The following SLFN12 variants were observed in gnomAD, a reference collection of about 807,000 sequenced individuals.
SLFN12 encodes schlafen family member 12, also known as ribonuclease SLFN12.
SLFN12 carries 25 observed loss-of-function variants against 29.1 expected under a neutral mutation model. The ratio of observed to expected loss-of-function variants is 0.86; its 90% CI spans 0.63 to 1.20. SLFN12 has a LOEUF of 1.20. Among genes scored for constraint, SLFN12 ranks in the 50% most tolerant of loss-of-function variants. The pLI is 0.00. For missense variants in SLFN12, 660 were observed against 666.2 expected (o/e 0.99, Z 0.10); for synonymous variants, 257 against 238.7 (o/e 1.08, Z -0.71).
At chr17:35,415,907 G>A (rs1445597311) in intron 3 of SLFN12, among the ~76,000 whole-genome samples, 7 of 152,178 alleles carry the variant, frequency 4.6e-5, no homozygotes, top group African/African-American at 1.4e-4. Context: ...TACTGCTGGT[G>A]TGAATGTAAA....
At chr17:35,419,278 A>C (rs1031648998) in intron 3 of SLFN12, among the ~76,000 whole-genome samples, 1 of 152,128 alleles carries the variant, frequency 6.6e-6, no homozygotes, top group Non-Finnish European at 1.5e-5. Flanking sequence ...CCTACATTAA[A>C]ATTTAAAACT....
intron 1 of SLFN12, among the ~76,000 whole-genome samples, chr17:35,424,779 T>G (rs999321875): frequency 6.6e-6 from 1 of 152,138 alleles, no homozygotes; most frequent in Non-Finnish European, 1.5e-5. Context: ...TAGTTCTTTG[T>G]CCATGTTTTC....
intron 2 of SLFN12, among the ~76,000 whole-genome samples, chr17:35,421,662 C>A (rs1308440394): frequency 6.6e-6 from 1 of 151,568 alleles, no homozygotes; most frequent in African/African-American, 2.4e-5. Flanking sequence ...GCCTCAGCCT[C>A]CTGAGTAGCT....
chr17:35,422,493 G>A lies in SLFN12; in HGVS notation c.536C>T (p.Ala179Val), dbSNP rs1183123342. Residue 179 changes from alanine to valine, a missense_variant, in exon 2 of 4, where the codon GCC becomes GTC. By Grantham distance (64) the Ala-to-Val change is moderately conservative. Transcript: ENST00000304905. ...VDIQEENNMK[A>V]LAGVFFDRTE... The stretch of plus-strand genomic sequence containing the variant: ...TCTATCAAAAAAAACCCCGGCCAAG[G>A]CCTTCATGTTATTTTCTTCTTGTAT... 1.2e-6 allele frequency: 2 copies of A among 1,613,128 alleles called. No homozygotes were observed. The highest frequency in any genetic ancestry group is 1.3e-5 in the African/African-American group (1 of 74,838).
At chr17:35,426,508 C>T (rs914835649) in intron 1 of SLFN12, among the ~76,000 whole-genome samples, 5 of 152,064 alleles carry the variant, frequency 3.3e-5, no homozygotes, top group African/African-American at 1.2e-4. Context: ...TCATTTTCTG[C>T]ATGTGGATAT....
intron 3 of SLFN12, among the ~76,000 whole-genome samples, chr17:35,414,788 A>T (rs1216715882): frequency 6.6e-6 from 1 of 152,136 alleles, no homozygotes; most frequent in Non-Finnish European, 1.5e-5. Context: ...AAAATAAAAT[A>T]CTTAGCAATA....
At chr17:35,418,856 ATTTG>A (rs143803983) in intron 3 of SLFN12, among the ~76,000 whole-genome samples, 9,999 of 151,322 alleles carry the variant, frequency 0.066, 592 homozygotes, top group East Asian at 0.32. Context: ...GTATTTATTT[ATTTG>A]TTTGTTTGTT....
intron 2 of SLFN12, among the ~76,000 whole-genome samples, chr17:35,421,334 A>G (rs891723377): frequency 3.3e-5 from 5 of 151,892 alleles, no homozygotes; most frequent in East Asian, 1.9e-4. Flanking sequence ...ATGGTTACTT[A>G]CTGAAATAGA....
Position 35,420,257 on chromosome 17 carries a change from A to C in SLFN12, c.1147+17T>G, listed in dbSNP as rs1567847233. 1.9e-6 allele frequency: 3 copies of C among 1,573,318 alleles called. No individual in the cohort carries two copies. The highest frequency in any genetic ancestry group is 2.6e-6 in the Non-Finnish European group (3 of 1,144,094). On this transcript the variant is annotated intron_variant, in intron 3 of 3. Transcript: ENST00000304905. ...ACAGTCACACTAACAAATCCGAAGA[A>C]GCCAGAATGAAATTACCTGGACAGT... is the stretch of plus-strand genomic sequence containing the variant.
At position 35,411,726 on chromosome 17, in the gene SLFN12, TC is replaced by T. The variant is rs761869875; in HGVS notation, c.1348del (p.Asp450ThrfsTer26). On this transcript the variant is annotated frameshift_variant, in exon 4 of 4. Coordinates refer to ENST00000304905, the MANE Select transcript of SLFN12 (RefSeq NM_018042.5). LOFTEE classifies it low-confidence loss of function (END_TRUNC). Reference protein sequence around the residue: ...VLCDALLISQDSPPVLYTFHM... With the variant: ...VLCDALLISQXSPPVLYTFHM... Reference sequence around the variant, plus strand: ...GAAGGTGTATAGGACTGGAGGACTGTCCTGGGAAATCAGAAGAGCATCACAG... The same window carrying T: ...GAAGGTGTATAGGACTGGAGGACTGTCTGGGAAATCAGAAGAGCATCACAG... 5 of 1,613,330 alleles carry T rather than the reference TC, an allele frequency of 3.1e-6. No individual in the cohort carries two copies. The Admixed American group carries it at 8.3e-5, about 27-fold the overall frequency.
intron 1 of SLFN12, among the ~76,000 whole-genome samples, chr17:35,429,324 AC>A (rs1912183993): frequency 6.6e-6 from 1 of 151,930 alleles, no homozygotes; most frequent in Non-Finnish European, 1.5e-5. Context: ...GATCCCGGTC[AC>A]CCCAGTCCAA....
chr17:35,426,908 T>C (rs536509387), intron 1 of SLFN12, among the ~76,000 whole-genome samples: 1 of 152,186 alleles, frequency 6.6e-6, no homozygotes, highest in Non-Finnish European at 1.5e-5. Context: ...CCAGCTCATC[T>C]TCTGAGCCTT....
intron 1 of SLFN12, among the ~76,000 whole-genome samples, chr17:35,429,061 G>A (rs762141422): frequency 3.9e-5 from 6 of 152,072 alleles, no homozygotes; most frequent in Non-Finnish European, 7.4e-5. Flanking sequence ...TCTGCTCCCC[G>A]ATTCTTTTTT....
chr17:35,410,931 GC>G lies in SLFN12; in HGVS notation c.*406del, dbSNP rs1910963348. On this transcript the variant is annotated 3_prime_UTR_variant, in exon 4 of 4. Coordinates refer to ENST00000304905, the MANE Select transcript of SLFN12 (RefSeq NM_018042.5). ...GTTTTGTTTTGAGAAAATGAGTTTT[GC>G]CTTCTTATTCATTCCCACTGTGGAA... 1 of 153,226 alleles carries G rather than the reference GC, an allele frequency of 6.5e-6. No homozygotes were observed. The highest frequency in any genetic ancestry group is 1.5e-5 in the Non-Finnish European group (1 of 68,886). 9.5% of individuals were successfully genotyped at this position (153,226 alleles called of 1,614,324 possible).
At chr17:35,414,084 A>G (rs1911187292) in intron 3 of SLFN12, among the ~76,000 whole-genome samples, 1 of 152,136 alleles carries the variant, frequency 6.6e-6, no homozygotes, top group Non-Finnish European at 1.5e-5. Flanking sequence ...CAAAACAAGG[A>G]TGCCCATTTC....
Position 35,411,105 on chromosome 17 carries a change from A to G in SLFN12, c.*233T>C. On this transcript the variant is annotated 3_prime_UTR_variant, in exon 4 of 4. Transcript: ENST00000304905. ...AAGAAAATTTATTCAGGAACTACAG[A>G]CAGAGTAAATAATACTGTGCACAGA... The G allele has an allele frequency of 3.3e-6, 1 of 306,232 alleles. No individual in the cohort carries two copies. Among genetic ancestry groups the G allele is most frequent in the Non-Finnish European group, 6.0e-6 (1 of 167,226 alleles). 19.0% of individuals were successfully genotyped at this position (306,232 alleles called of 1,614,324 possible).
chr17:35,416,532 C>A (rs568441425), intron 3 of SLFN12, among the ~76,000 whole-genome samples: 7 of 152,036 alleles, frequency 4.6e-5, no homozygotes, highest in African/African-American at 9.6e-5. Flanking sequence ...ATATAAGATA[C>A]CTAGAAAAAG....
chr17:35,430,042 AC>A (rs564300058), intron 1 of SLFN12, among the ~76,000 whole-genome samples: 238 of 151,992 alleles, frequency 1.6e-3, no homozygotes, highest in South Asian at 2.5e-3. Context: ...CACTGGCCCC[AC>A]AGCTCTTTAA....
intron 2 of SLFN12, among the ~76,000 whole-genome samples, chr17:35,421,201 T>G (rs1220132346): frequency 2.0e-5 from 3 of 146,644 alleles, no homozygotes; most frequent in Non-Finnish European, 3.0e-5. Flanking sequence ...AGAGCAAGAC[T>G]CCGTCTCAAA....
Sources: gnomAD v4.1 joint callset for allele counts (sites outside exome capture counted in the v4.1 genomes callset) on GRCh38, gnomAD v4.1.1 for gene constraint, MANE v1.5 for transcripts, NCBI Gene and HGNC (gene_info 2026-07-23, HGNC 2026-07-21) for gene names.